The following CDKL5 variants were observed in gnomAD, a reference collection of about 807,000 sequenced individuals.
CDKL5 encodes the protein cyclin-dependent kinase-like 5.
In CDKL5, 8 loss-of-function variants were observed where a neutral mutation model predicts 61.7. That is an observed-to-expected ratio of 0.13 (90% CI 0.08 to 0.23). The LOEUF is 0.23. Among genes scored for constraint, CDKL5 ranks in the 10% least tolerant of loss-of-function variants. The probability of loss-of-function intolerance (pLI) is 1.00; values close to 1 mark genes in which losing one functional copy is unlikely to be tolerated. For synonymous variants in CDKL5, 275 were observed against 272.3 expected (o/e 1.01, Z -0.10); for missense variants, 440 against 734.5 (o/e 0.60, Z 4.63).
chrX:18,643,103 G>A (rs1306894713), downstream of CDKL5, among the ~76,000 whole-genome samples: 2 of 109,817 alleles, frequency 1.8e-5, no homozygotes, highest in Admixed American at 9.7e-5. Flanking sequence ...GGAGGGTGGT[G>A]CCAGAGTAAA....
At chrX:18,598,701 G>T in intron 11 of CDKL5, 88 bp downstream of exon 11, 1 of 865,387 alleles carries the variant, frequency 1.2e-6, no homozygotes, top group East Asian at 3.1e-5. Flanking sequence ...TGCAATTAGA[G>T]AAAAGAAGGA....
At chrX:18,572,158 G>A (rs951694598) in intron 4 of CDKL5, among the ~76,000 whole-genome samples, 10 of 111,636 alleles carry the variant, frequency 9.0e-5, no homozygotes, top group Admixed American at 3.8e-4. Flanking sequence ...GCATTTATTT[G>A]TTTCTTTTAC....
chrX:18,593,953 A>G (rs890375993), intron 9 of CDKL5, among the ~76,000 whole-genome samples: 12 of 112,053 alleles, frequency 1.1e-4, no homozygotes, highest in Admixed American at 9.5e-5. Flanking sequence ...CTGAGCTTCA[A>G]TTAGAATTTA....
At chrX:18,584,025 C>G (rs1925563125) in intron 7 of CDKL5, among the ~76,000 whole-genome samples, 1 of 111,734 alleles carries the variant, frequency 8.9e-6, no homozygotes, top group African/African-American at 3.3e-5. Context: ...ACCCGGTTTT[C>G]TTTAGCATAG....
chrX:18,441,603 C>G (rs1180950592), intron 1 of CDKL5, among the ~76,000 whole-genome samples: 1 of 111,248 alleles, frequency 9.0e-6, no homozygotes, highest in African/African-American at 3.3e-5. Context: ...TTCCTTTTCA[C>G]TGTTACATTG....
At chrX:18,562,354 T>G (rs1193721711) in intron 3 of CDKL5, among the ~76,000 whole-genome samples, 6 of 111,787 alleles carry the variant, frequency 5.4e-5, no homozygotes, top group Non-Finnish European at 1.1e-4. Flanking sequence ...AGTATGTTCA[T>G]TAATAGACTT....
At chrX:18,518,388 A>ATTTTTTTTTTTTTTCTTT (rs1923112770) in intron 3 of CDKL5, among the ~76,000 whole-genome samples, 2 of 21,162 alleles carry the variant, frequency 9.5e-5, no homozygotes, top group Non-Finnish European at 1.7e-4. Context: ...TTCTTTTCTT[A>ATTTTTTTTTTTTTTCTTT]TTTTTTTTTT....
intron 15 of CDKL5, among the ~76,000 whole-genome samples, chrX:18,619,157 CTT>C (rs773761463): frequency 3.0e-4 from 24 of 80,781 alleles, no homozygotes; most frequent in Admixed American, 4.3e-4. Flanking sequence ...CCCGTGAAAG[CTT>C]TTTTTTTTTT....
intron 9 of CDKL5, among the ~76,000 whole-genome samples, chrX:18,590,945 C>G: frequency 9.0e-6 from 1 of 111,616 alleles, no homozygotes; most frequent in South Asian, 3.8e-4. Context: ...CCATTCCCCC[C>G]ATTCTCCAGA....
chrX:18,461,346 C>T (rs1028999415), intron 1 of CDKL5, among the ~76,000 whole-genome samples: 4 of 112,154 alleles, frequency 3.6e-5, no homozygotes, highest in Non-Finnish European at 5.6e-5. Flanking sequence ...TTTTACTGTC[C>T]GAGTATTTCC....
rs149130350 is a variant in CDKL5 at position 18,497,141 on chromosome X, C to T, written c.-162-9794C>T. On this transcript the variant is annotated intron_variant, in intron 1 of 17. Coordinates refer to ENST00000623535, the MANE Select transcript of CDKL5 (RefSeq NM_001323289.2). ...CCGAGTAGCTGGGATTGCAGACATA[C>T]GCCACCACCCCCGGCTAATTTAGGA... is the stretch of plus-strand genomic sequence containing the variant. Among the ~76,000 whole-genome samples, 447 of 110,408 alleles carry T rather than the reference C, an allele frequency of 4.0e-3. 2 individuals are homozygous for T. Among genetic ancestry groups the T allele is most frequent in the African/African-American group, 0.014 (435 of 30,359 alleles).
In CDKL5 at chrX:18,604,101, A is replaced by G. The variant is rs1187227979; in HGVS notation, c.1177A>G (p.Thr393Ala). Reference protein sequence around the residue: ...TYQASSQPGSTSKDLTNNNIP... With the variant: ...TYQASSQPGSASKDLTNNNIP... Reference sequence around the variant, plus strand: ...CCAAGCAAGCAGCCAGCCTGGGTCTACCAGCAAAGATCTCACCAACAACAA... The same window carrying G: ...CCAAGCAAGCAGCCAGCCTGGGTCTGCCAGCAAAGATCTCACCAACAACAA... Residue 393 changes from threonine (T) to alanine (A), a missense_variant, in exon 12 of 18, where the codon ACC becomes GCC. By Grantham distance (58) the Thr-to-Ala change is moderately conservative. Around this residue, in one of 2 missense-constraint regions of CDKL5, gnomAD observed 363 missense variants for 516.3 expected, o/e 0.70. Coordinates refer to ENST00000623535, the MANE Select transcript of CDKL5 (RefSeq NM_001323289.2). The G allele has an allele frequency of 3.3e-6, 4 of 1,209,604 alleles. No homozygotes were observed. Among genetic ancestry groups the G allele is most frequent in the Non-Finnish European group, 4.5e-6 (4 of 895,074 alleles).
intron 15 of CDKL5, among the ~76,000 whole-genome samples, chrX:18,615,199 C>T (rs893854037): frequency 9.0e-6 from 1 of 111,710 alleles, no homozygotes; most frequent in Non-Finnish European, 1.9e-5. Flanking sequence ...TCTTTTGTTT[C>T]TGTTAACTCT....
chrX:18,582,605 C>T (rs1925518661), intron 7 of CDKL5, among the ~76,000 whole-genome samples: 1 of 111,243 alleles, frequency 9.0e-6, no homozygotes, highest in African/African-American at 3.3e-5. Flanking sequence ...TTTTGCCTAA[C>T]CTGTATGCTG....
At chrX:18,641,918 T>C, downstream of CDKL5, 3 of 1,039,266 alleles carry the variant, frequency 2.9e-6, no homozygotes, top group Non-Finnish European at 4.0e-6. Flanking sequence ...AATATAGCCC[T>C]GTCCATCTCG....
At chrX:18,510,938 G>T (rs1011601149) in intron 3 of CDKL5, 84 bp downstream of exon 3, 27 of 694,194 alleles carry the variant, frequency 3.9e-5, no homozygotes, top group Non-Finnish European at 6.0e-5. Flanking sequence ...GTGTGGGCAT[G>T]TACAGGTTGA....
chrX:18,630,879 C>G lies in CDKL5; in HGVS notation c.*2122C>G, dbSNP rs1316387205. ...TGCTTGATGATACAAATGAGGTGGA[C>G]CATCAGCAGTTTTGCCTGGACACTA... On this transcript the variant is annotated 3_prime_UTR_variant, in exon 18 of 18. Transcript: ENST00000623535. The G allele has an allele frequency of 1.3e-6, 1 of 745,250 alleles. No individual in the cohort carries two copies. Among genetic ancestry groups the G allele is most frequent in the African/African-American group, 2.4e-5 (1 of 41,132 alleles). The allele number at this position is 745,250 out of a possible 1,213,427, so 61.4% of individuals were successfully genotyped here. A position where few individuals can be genotyped will look rare whatever the true frequency, so the allele number is the denominator to read the frequency against.
At chrX:18,607,969 C>T (rs1926418299) in intron 12 of CDKL5, among the ~76,000 whole-genome samples, 1 of 111,853 alleles carries the variant, frequency 8.9e-6, no homozygotes, top group Non-Finnish European at 1.9e-5. Flanking sequence ...TTTGATATGT[C>T]ACATAGGCTT....
At chrX:18,475,257 C>A in intron 1 of CDKL5, among the ~76,000 whole-genome samples, 1 of 110,846 alleles carries the variant, frequency 9.0e-6, no homozygotes, top group Non-Finnish European at 1.9e-5. Flanking sequence ...CCACACCTGG[C>A]TTAAACTTTG....
Sources: gnomAD v4.1 joint callset for allele counts (sites outside exome capture counted in the v4.1 genomes callset) on GRCh38, gnomAD v4.1.1 for gene constraint, gnomAD v4.1.1 regional missense constraint, MANE v1.5 for transcripts, NCBI Gene and HGNC (gene_info 2026-07-23, HGNC 2026-07-21) for gene names.